Variants in MAGI2 observed in about 807,000 individuals in gnomAD.
MAGI2 encodes the protein membrane-associated guanylate kinase, WW and PDZ domain-containing protein 2.
In MAGI2, 35 loss-of-function variants were observed where a neutral mutation model predicts 133.3. The observed-to-expected ratio is 0.26, with a 90% CI of 0.20 to 0.35. MAGI2 has a LOEUF of 0.35. Ranked by LOEUF, MAGI2 falls within the 10% of genes least tolerant of loss-of-function variation. MAGI2 has a pLI of 1.00. For synonymous variants in MAGI2, 729 were observed against 710.6 expected (o/e 1.03, Z -0.41); for missense variants, 1,636 against 1,863.4 (o/e 0.88, Z 2.25).
intron 4 of MAGI2, among the ~76,000 whole-genome samples, chr7:78,503,548 C>G (rs1262768554): frequency 2.0e-5 from 2 of 99,308 alleles, no homozygotes; most frequent in Non-Finnish European, 4.2e-5. Context: ...TGCTTGCACT[C>G]ACTCCATCTC....
chr7:79,365,930 C>T (rs1842678629), intron 1 of MAGI2, among the ~76,000 whole-genome samples: 1 of 141,216 alleles, frequency 7.1e-6, no homozygotes, highest in Admixed American at 7.3e-5. Context: ...GGATGAATTG[C>T]CAGTAAATTA....
chr7:79,068,536 C>T (rs866804519), intron 1 of MAGI2, among the ~76,000 whole-genome samples: 1 of 151,878 alleles, frequency 6.6e-6, no homozygotes, highest in Non-Finnish European at 1.5e-5. Flanking sequence ...TTTCAAAAAA[C>T]CACCGCCTGG....
Position 78,173,675 on chromosome 7 carries a change from A to G in MAGI2, c.2403+4336T>C, listed in dbSNP as rs75830778. Among the ~76,000 whole-genome samples, 24 of 152,302 alleles carry G rather than the reference A, an allele frequency of 1.6e-4. No individual in the cohort carries two copies. The South Asian group carries it at 5.0e-3, about 32-fold the overall frequency. Reference sequence around the variant, plus strand: ...CGTGCTTAGGTTAGGTTTTGTAATTATCTGGCCCTGGTTGAAGGCTCAATT... The same window carrying G: ...CGTGCTTAGGTTAGGTTTTGTAATTGTCTGGCCCTGGTTGAAGGCTCAATT... On this transcript the variant is annotated intron_variant, in intron 14 of 21. Transcript: ENST00000354212.
At chr7:78,533,513 C>A (rs1471871113) in intron 3 of MAGI2, among the ~76,000 whole-genome samples, 5 of 152,082 alleles carry the variant, frequency 3.3e-5, no homozygotes, top group African/African-American at 1.2e-4. Context: ...GGCCCAAAGC[C>A]ACACACACAT....
intron 2 of MAGI2, among the ~76,000 whole-genome samples, chr7:78,641,706 C>G (rs1379098596): frequency 6.6e-6 from 1 of 151,952 alleles, no homozygotes; most frequent in Non-Finnish European, 1.5e-5. Context: ...TTTTTTTAAA[C>G]TTCTTCAAAA....
At chr7:79,243,831 G>C (rs1211806886) in intron 1 of MAGI2, among the ~76,000 whole-genome samples, 2 of 152,072 alleles carry the variant, frequency 1.3e-5, no homozygotes, top group East Asian at 3.9e-4. Context: ...CATAAACTCT[G>C]TTAGATAATA....
At chr7:78,537,505 T>G (rs2150654737) in intron 3 of MAGI2, among the ~76,000 whole-genome samples, 1 of 152,258 alleles carries the variant, frequency 6.6e-6, no homozygotes, top group South Asian at 2.1e-4. Context: ...CATGCCAACA[T>G]CTATTAGTTT....
chr7:79,090,627 T>G (rs1051397401), intron 1 of MAGI2, among the ~76,000 whole-genome samples: 1 of 152,178 alleles, frequency 6.6e-6, no homozygotes, highest in Non-Finnish European at 1.5e-5. Flanking sequence ...GCAACCTAAA[T>G]TTAAAATCAT....
intron 3 of MAGI2, among the ~76,000 whole-genome samples, chr7:78,612,038 C>T (rs922940462): frequency 6.6e-6 from 1 of 152,142 alleles, no homozygotes; most frequent in African/African-American, 2.4e-5. Flanking sequence ...ACATGATCTA[C>T]CTTCATTTAT....
chr7:78,486,755 T>A, intron 6 of MAGI2: 1 of 422,532 alleles, frequency 2.4e-6, no homozygotes, highest in Non-Finnish European at 4.6e-6. Context: ...CATGGCCTCC[T>A]GCAATGTGAG....
intron 2 of MAGI2, among the ~76,000 whole-genome samples, chr7:78,909,388 T>C (rs1472377073): frequency 6.9e-6 from 1 of 145,464 alleles, no homozygotes; most frequent in East Asian, 2.0e-4. Flanking sequence ...GGTCAGGAGA[T>C]CAAGATCATC....
At chr7:78,878,445 CTTAA>C (rs1187305793) in intron 2 of MAGI2, among the ~76,000 whole-genome samples, 2 of 152,102 alleles carry the variant, frequency 1.3e-5, no homozygotes, top group African/African-American at 4.8e-5. Flanking sequence ...TTTCTCAATT[CTTAA>C]TTAGTTTCCT....
chr7:78,039,934 T>C lies in MAGI2; in HGVS notation c.3707-19958A>G, dbSNP rs150440157. Among the ~76,000 whole-genome samples, 903 of 152,334 alleles carry C rather than the reference T, an allele frequency of 5.9e-3. 1 individual carries two copies. Among genetic ancestry groups the C allele is most frequent in the Middle Eastern group, 0.034 (10 of 294 alleles). ...AAGTCTATAGACCCAGGCGGATCTC[T>C]GCAGTTTTGCGAGATGAACCTCCTA... On this transcript the variant is annotated intron_variant, in intron 21 of 21. Transcript: ENST00000354212.
intron 1 of MAGI2, among the ~76,000 whole-genome samples, chr7:79,117,842 A>G (rs1039705058): frequency 6.6e-6 from 1 of 152,214 alleles, no homozygotes. Flanking sequence ...CGGGGTGTAC[A>G]CACATGACTG....
intron 10 of MAGI2, among the ~76,000 whole-genome samples, chr7:78,237,017 T>A (rs1158027713): frequency 6.6e-6 from 1 of 152,114 alleles, no homozygotes; most frequent in Non-Finnish European, 1.5e-5. Flanking sequence ...CACCCCATGA[T>A]TCAGTTATCT....
At chr7:78,573,314 A>ATATATTTATT (rs1801880773) in intron 3 of MAGI2, among the ~76,000 whole-genome samples, 1 of 47,732 alleles carries the variant, frequency 2.1e-5, no homozygotes, top group African/African-American at 8.3e-5. Context: ...ATATATATAA[A>ATATATTTATT]TATATAAATA....
chr7:79,068,517 T>A (rs2117132550), intron 1 of MAGI2, among the ~76,000 whole-genome samples: 1 of 152,252 alleles, frequency 6.6e-6, no homozygotes, highest in African/African-American at 2.4e-5. Context: ...TGGTCTATTT[T>A]GTTGATCTTT....
intron 15 of MAGI2, among the ~76,000 whole-genome samples, chr7:78,167,159 G>A (rs990472478): frequency 1.1e-4 from 16 of 152,106 alleles, no homozygotes; most frequent in African/African-American, 7.2e-5. Flanking sequence ...GTTCTGAGGG[G>A]AGGTAATACA....
At chr7:78,202,620 G>A (rs1037940146) in intron 10 of MAGI2, among the ~76,000 whole-genome samples, 3 of 141,122 alleles carry the variant, frequency 2.1e-5, no homozygotes, top group African/African-American at 7.9e-5. Context: ...GAGGCGGAGA[G>A]TGCAGTGAGC....
Sources: allele counts gnomAD v4.1 joint callset (sites outside exome capture counted in the v4.1 genomes callset), GRCh38; gene constraint gnomAD v4.1.1; transcripts MANE v1.5; gene names NCBI Gene and HGNC (gene_info 2026-07-23, HGNC 2026-07-21).